ZEB1: variants seen among roughly 807,000 people sequenced by gnomAD.
The protein encoded by ZEB1 is zinc finger E-box-binding homeobox 1.
A neutral mutation model predicts 84.9 loss-of-function variants in ZEB1; 21 were observed. The observed-to-expected ratio is 0.25, with a 90% CI of 0.18 to 0.36. The LOEUF (loss-of-function observed/expected upper bound fraction) is 0.36, where lower values mean the gene tolerates loss of function less well. ZEB1 is among the 10% of genes least tolerant of loss of function. The pLI, the probability that ZEB1 is intolerant of heterozygous loss-of-function variation, is 1.00. For synonymous variants in ZEB1, 420 were observed against 471.1 expected (o/e 0.89, Z 1.41); for missense variants, 1,104 against 1,330.2 (o/e 0.83, Z 2.65).
chr10:31,497,799 G>A (rs2067460403), intron 3 of ZEB1, among the ~76,000 whole-genome samples: 1 of 152,016 alleles, frequency 6.6e-6, no homozygotes, highest in Non-Finnish European at 1.5e-5. Context: ...AAAATTCATT[G>A]AAAACATCCT....
intron 4 of ZEB1, among the ~76,000 whole-genome samples, chr10:31,507,484 C>T (rs2069182839): frequency 6.6e-6 from 1 of 151,980 alleles, no homozygotes; most frequent in East Asian, 1.9e-4. Context: ...TATTTGGTTA[C>T]TTTATAGTTT....
chr10:31,380,776 C>G (rs1265054252), intron 1 of ZEB1, among the ~76,000 whole-genome samples: 1 of 152,142 alleles, frequency 6.6e-6, no homozygotes, highest in Non-Finnish European at 1.5e-5. Flanking sequence ...ACTTGAGATA[C>G]TGCAAGGACC....
intron 1 of ZEB1, among the ~76,000 whole-genome samples, chr10:31,425,458 T>C (rs1203977055): frequency 6.6e-6 from 1 of 152,080 alleles, no homozygotes; most frequent in African/African-American, 2.4e-5. Flanking sequence ...TTGGGAAAAC[T>C]GTGGCAGAGA....
chr10:31,523,906 C>T (rs141060090), intron 7 of ZEB1, 27 bp from the exon 8 acceptor site: 2 of 1,609,700 alleles, frequency 1.2e-6, no homozygotes, highest in East Asian at 4.5e-5. Flanking sequence ...TGTTAAATTA[C>T]ATTTTCTCAC....
At chr10:31,413,941 C>A (rs886941648) in intron 1 of ZEB1, among the ~76,000 whole-genome samples, 3 of 152,176 alleles carry the variant, frequency 2.0e-5, no homozygotes, top group Admixed American at 6.5e-5. Context: ...AGAGCTTGTC[C>A]ATAGCCACAA....
intron 3 of ZEB1, among the ~76,000 whole-genome samples, chr10:31,498,437 A>G (rs1473128498): frequency 1.3e-5 from 2 of 152,102 alleles, no homozygotes; most frequent in African/African-American, 4.8e-5. Context: ...TTGTAAAATT[A>G]TGATGTTCAC....
intron 1 of ZEB1, among the ~76,000 whole-genome samples, chr10:31,375,183 C>A (rs895111717): frequency 1.3e-5 from 2 of 151,352 alleles, no homozygotes; most frequent in Non-Finnish European, 3.0e-5. Context: ...GCAGTGACTT[C>A]TAAATTTAGT....
intron 1 of ZEB1, among the ~76,000 whole-genome samples, chr10:31,381,984 C>T (rs1026471907): frequency 8.1e-6 from 1 of 123,262 alleles, no homozygotes; most frequent in Non-Finnish European, 1.6e-5. Context: ...GCACTCCAGA[C>T]TGGGCGACAG....
intron 1 of ZEB1, among the ~76,000 whole-genome samples, chr10:31,391,913 T>A (rs1699068499): frequency 6.6e-6 from 1 of 152,140 alleles, no homozygotes; most frequent in Non-Finnish European, 1.5e-5. Flanking sequence ...AACAAAAAAT[T>A]TGGTCGACAA....
At chr10:31,413,655 C>A (rs1003972189) in intron 1 of ZEB1, among the ~76,000 whole-genome samples, 7 of 151,964 alleles carry the variant, frequency 4.6e-5, no homozygotes, top group African/African-American at 1.7e-4. Context: ...CACCAAGAGG[C>A]ATTTAGTGGT....
At chr10:31,439,522 T>C (rs2058667039) in intron 1 of ZEB1, among the ~76,000 whole-genome samples, 1 of 152,214 alleles carries the variant, frequency 6.6e-6, no homozygotes, top group Non-Finnish European at 1.5e-5. Context: ...GCCAGTGTTC[T>C]AGATGAGGGG....
chr10:31,508,701 T>C (rs2069418285), intron 4 of ZEB1, among the ~76,000 whole-genome samples: 1 of 152,014 alleles, frequency 6.6e-6, no homozygotes, highest in African/African-American at 2.4e-5. Flanking sequence ...GGCAGGATGA[T>C]CCCAGGCCAC....
chr10:31,499,829 A>C (rs1259785164), intron 3 of ZEB1, among the ~76,000 whole-genome samples: 3 of 152,166 alleles, frequency 2.0e-5, no homozygotes, highest in Admixed American at 6.5e-5. Context: ...ACATCTTATA[A>C]TAATACTAAG....
Position 31,510,868 on chromosome 10 carries a change from G to A in ZEB1, c.680G>A (p.Arg227Lys). The A allele has an allele frequency of 1.2e-6, 2 of 1,613,696 alleles. No individual in the cohort carries two copies. Among genetic ancestry groups the A allele is most frequent in the Non-Finnish European group, 1.7e-6 (2 of 1,179,826 alleles). The change falls in exon 5 of 9, where the codon AGA (arginine) becomes AAA (lysine). Residue 227 changes from arginine (R) to lysine (K), a missense_variant. Around this residue, in one of 7 missense-constraint regions of ZEB1, gnomAD observed 71 missense variants for 119.1 expected, o/e 0.60. Coordinates refer to ENST00000424869, the MANE Select transcript of ZEB1 (RefSeq NM_001174096.2). Reference sequence around the variant, plus strand: ...CACATGACATCACATAAATCAGGAAGAGATCAAGTAAGTGCAATGACTGAG... The same window carrying A: ...CACATGACATCACATAAATCAGGAAAAGATCAAGTAAGTGCAATGACTGAG... Reference protein sequence around the residue: ...ERHMTSHKSGRDQRHVTQSGC... With the variant: ...ERHMTSHKSGKDQRHVTQSGC...
In ZEB1 at chr10:31,442,001, G is replaced by A. The variant is rs574169003; in HGVS notation, c.59-19036G>A. Among the ~76,000 whole-genome samples the A allele has an allele frequency of 7.4e-3, 1,124 of 152,256 alleles. 5 individuals are homozygous for A. The highest frequency in any genetic ancestry group is 0.025 in the African/African-American group (1,041 of 41,518). ...CAACCATTGTGGAAGACAGTGTGGCGATTCCTCAAGGATCTAGAACTAGAA... is the reference window on the plus strand; with the variant it reads ...CAACCATTGTGGAAGACAGTGTGGCAATTCCTCAAGGATCTAGAACTAGAA... On this transcript the variant is annotated intron_variant, in intron 1 of 8. Transcript: ENST00000424869.
chr10:31,409,977 T>C (rs1369149601), intron 1 of ZEB1, among the ~76,000 whole-genome samples: 1 of 152,246 alleles, frequency 6.6e-6, no homozygotes, highest in African/African-American at 2.4e-5. Context: ...TGACTTCCCC[T>C]CTTCCTATTT....
chr10:31,482,984 G>A (rs887589249), intron 2 of ZEB1, among the ~76,000 whole-genome samples: 7 of 152,020 alleles, frequency 4.6e-5, no homozygotes, highest in African/African-American at 1.4e-4. Context: ...CAGAGTGCCA[G>A]CTTACTTCCG....
chr10:31,346,397 G>A (rs1322043489), intron 1 of ZEB1, among the ~76,000 whole-genome samples: 1 of 152,104 alleles, frequency 6.6e-6, no homozygotes, highest in Non-Finnish European at 1.5e-5. Context: ...CCAAAATAAA[G>A]GTAGGATGAT....
At chr10:31,360,923 A>T (rs922487423) in intron 1 of ZEB1, 7 of 1,550,106 alleles carry the variant, frequency 4.5e-6, no homozygotes, top group African/African-American at 1.4e-5. Flanking sequence ...GGATGCTCTA[A>T]TAAATTGCAT....
Sources: allele counts gnomAD v4.1 joint callset (sites outside exome capture counted in the v4.1 genomes callset), GRCh38; gene constraint gnomAD v4.1.1; regional missense constraint gnomAD v4.1.1; transcripts MANE v1.5; gene names NCBI Gene and HGNC (gene_info 2026-07-23, HGNC 2026-07-21).